The following EPHA6 variants were observed in gnomAD, a reference collection of about 807,000 sequenced individuals.
EPHA6 encodes the protein EPH receptor A6, also known as ephrin type-A receptor 6.
In EPHA6, 50 loss-of-function variants were observed where a neutral mutation model predicts 112.0. The ratio of observed to expected loss-of-function variants is 0.45; its 90% CI spans 0.36 to 0.56. The LOEUF (loss-of-function observed/expected upper bound fraction) is 0.56. EPHA6 is among the 20% of genes least tolerant of loss of function. The pLI is 0.00. For synonymous variants in EPHA6, 529 were observed against 490.7 expected, an observed-to-expected ratio of 1.08 and a Z score of -1.03; for missense variants, 1,280 against 1,417.4, an observed-to-expected ratio of 0.90 and a Z score of 1.56.
intron 3 of EPHA6, among the ~76,000 whole-genome samples, chr3:97,218,629 G>T (rs1452638478): frequency 3.9e-5 from 6 of 152,104 alleles, no homozygotes; most frequent in African/African-American, 1.4e-4. Context: ...GACACATAGG[G>T]ATTATAGGGA....
chr3:97,543,326 T>C (rs894738014), intron 11 of EPHA6, among the ~76,000 whole-genome samples: 3 of 152,200 alleles, frequency 2.0e-5, no homozygotes, highest in African/African-American at 7.2e-5. Context: ...TAGCCAGTTT[T>C]CCCAGCACCA....
rs2036021489 is a variant in EPHA6, at chr3:97,756,193, A to C, written c.*7492A>C. Reference sequence around the variant, plus strand: ...TGAGGAAGTTTTTCTTTGACTGTGCATGCTTTATTTATTACCATATTGTTT... The same window carrying C: ...TGAGGAAGTTTTTCTTTGACTGTGCCTGCTTTATTTATTACCATATTGTTT... On this transcript the variant is annotated 3_prime_UTR_variant, in exon 18 of 18. Coordinates refer to ENST00000389672, the MANE Select transcript of EPHA6 (RefSeq NM_001080448.3). 1.3e-5 allele frequency among the ~76,000 whole-genome samples: 2 copies of C among 151,944 alleles called. No homozygotes were observed. Among genetic ancestry groups the C allele is most frequent in the Admixed American group, 1.3e-4 (2 of 15,252 alleles).
intron 1 of EPHA6, among the ~76,000 whole-genome samples, chr3:96,859,903 T>G (rs2035912087): frequency 6.6e-6 from 1 of 152,116 alleles, no homozygotes. Flanking sequence ...TGCAGTCATT[T>G]TTTGTCTGCA....
rs145702829 is a variant in EPHA6, at chr3:97,052,815, C to T, written c.1114+64822C>T. On this transcript the variant is annotated intron_variant, in intron 3 of 17. Transcript: ENST00000389672. ...AAACTCAGGGGACCAGCTAGGAAATCCTGTGAACAAGCCTTAAACATCCCA... is the reference window on the plus strand; with the variant it reads ...AAACTCAGGGGACCAGCTAGGAAATTCTGTGAACAAGCCTTAAACATCCCA... Among the ~76,000 whole-genome samples the T allele has an allele frequency of 6.5e-3, 985 of 152,126 alleles. 9 individuals are homozygous for T. The highest frequency in any genetic ancestry group is 0.021 in the African/African-American group (889 of 41,504).
intron 5 of EPHA6, among the ~76,000 whole-genome samples, chr3:97,293,777 C>A (rs182467459): frequency 3.3e-5 from 5 of 152,328 alleles, no homozygotes; most frequent in Admixed American, 2.6e-4. Flanking sequence ...CCTGCCCCTT[C>A]CCACCCAGGA....
chr3:97,162,309 C>G (rs1327106571), intron 3 of EPHA6, among the ~76,000 whole-genome samples: 1 of 152,126 alleles, frequency 6.6e-6, no homozygotes, highest in South Asian at 2.1e-4. Context: ...TCCATTTGCC[C>G]TTTCCCAATG....
At chr3:97,728,643 A>G (rs2034890441) in intron 15 of EPHA6, among the ~76,000 whole-genome samples, 1 of 152,126 alleles carries the variant, frequency 6.6e-6, no homozygotes, top group South Asian at 2.1e-4. Flanking sequence ...GACCAGAATC[A>G]TAGATTTTTT....
intron 5 of EPHA6, among the ~76,000 whole-genome samples, chr3:97,339,347 C>T (rs2083202606): frequency 2.0e-5 from 3 of 152,192 alleles, no homozygotes; most frequent in African/African-American, 7.2e-5. Flanking sequence ...TTGCATCATC[C>T]TGGTCTTCAC....
chr3:97,411,873 T>C (rs886654141), intron 6 of EPHA6, among the ~76,000 whole-genome samples: 2 of 152,082 alleles, frequency 1.3e-5, no homozygotes, highest in African/African-American at 4.8e-5. Flanking sequence ...CCAGTGGTAA[T>C]AAACTCAGGG....
intron 3 of EPHA6, among the ~76,000 whole-genome samples, chr3:97,086,720 A>G (rs147378777): frequency 0.013 from 1,988 of 152,218 alleles, 46 homozygotes; most frequent in African/African-American, 0.045. Flanking sequence ...ATATTTACAT[A>G]ACATTTATTG....
At chr3:97,192,897 A>G (rs939105400) in intron 3 of EPHA6, among the ~76,000 whole-genome samples, 2 of 151,998 alleles carry the variant, frequency 1.3e-5, no homozygotes, top group Non-Finnish European at 2.9e-5. Flanking sequence ...TAAAAGACTG[A>G]CCTTTCCCCA....
At chr3:97,136,992 A>C (rs2075784754) in intron 3 of EPHA6, among the ~76,000 whole-genome samples, 1 of 152,190 alleles carries the variant, frequency 6.6e-6, no homozygotes. Flanking sequence ...GATTGTATAT[A>C]ATAACCTACC....
intron 9 of EPHA6, among the ~76,000 whole-genome samples, chr3:97,479,821 T>G (rs193092734): frequency 2.0e-5 from 3 of 152,346 alleles, no homozygotes. Context: ...TTAGAATATG[T>G]ATGAAATCCT....
intron 3 of EPHA6, among the ~76,000 whole-genome samples, chr3:97,074,684 A>G (rs551170247): frequency 6.6e-5 from 10 of 152,152 alleles, no homozygotes; most frequent in African/African-American, 2.4e-4. Context: ...TTCCAAGGAT[A>G]TTTTTTGTTC....
At chr3:97,464,490 A>G (rs1410386494) in intron 7 of EPHA6, among the ~76,000 whole-genome samples, 1 of 152,142 alleles carries the variant, frequency 6.6e-6, no homozygotes, top group South Asian at 2.1e-4. Flanking sequence ...AAGCCCAACC[A>G]GTATTTTTGC....
intron 12 of EPHA6, among the ~76,000 whole-genome samples, chr3:97,605,488 C>A (rs2093674059): frequency 6.6e-6 from 1 of 151,708 alleles, no homozygotes; most frequent in Non-Finnish European, 1.5e-5. Context: ...GTTATCCCAG[C>A]ACCATTTGTT....
chr3:97,513,798 A>G (rs534707679), intron 10 of EPHA6, among the ~76,000 whole-genome samples: 1 of 152,122 alleles, frequency 6.6e-6, no homozygotes, highest in Non-Finnish European at 1.5e-5. Flanking sequence ...TACACTATAT[A>G]TATATATAAA....
chr3:97,602,231 T>C (rs1488509081), intron 12 of EPHA6, among the ~76,000 whole-genome samples: 1 of 152,052 alleles, frequency 6.6e-6, no homozygotes, highest in African/African-American at 2.4e-5. Flanking sequence ...ACCTTAAGAT[T>C]ATTAATATAA....
intron 5 of EPHA6, among the ~76,000 whole-genome samples, chr3:97,354,339 C>T (rs751322782): frequency 1.3e-5 from 2 of 151,996 alleles, no homozygotes. Context: ...ACAGAGACTT[C>T]AAAATAGCTG....
Sources: gnomAD v4.1 joint callset for allele counts (sites outside exome capture counted in the v4.1 genomes callset) on GRCh38, gnomAD v4.1.1 for gene constraint, MANE v1.5 for transcripts, NCBI Gene and HGNC (gene_info 2026-07-23, HGNC 2026-07-21) for gene names.